Variants in FSIP2 observed in about 807,000 individuals in gnomAD.
FSIP2 encodes the protein fibrous sheath interacting protein 2, also known as fibrous sheath-interacting protein 2.
In FSIP2, 367 loss-of-function variants were observed where a neutral mutation model predicts 510.5. The observed-to-expected ratio is 0.72, with a 90% CI of 0.66 to 0.78. The LOEUF is 0.78. FSIP2 is among the 30% of genes least tolerant of loss of function. The pLI, the probability that FSIP2 is intolerant of heterozygous loss-of-function variation, is 0.00. For missense variants in FSIP2, 7,594 were observed against 7,901.7 expected, an observed-to-expected ratio of 0.96 and a Z score of 1.48; for synonymous variants, 2,601 against 2,732.2, an observed-to-expected ratio of 0.95 and a Z score of 1.50.
rs1045045659 is a variant in FSIP2, at chr2:185,794,493, C to A, written c.7357C>A (p.Gln2453Lys). 2 of 1,521,750 alleles carry A rather than the reference C, an allele frequency of 1.3e-6. No individual in the cohort carries two copies. Among genetic ancestry groups the A allele is most frequent in the Middle Eastern group, 1.7e-4 (1 of 5,892 alleles). The allele number at this position is 1,521,750 out of a possible 1,614,324, so 94.3% of individuals were successfully genotyped here. ...LFTKYPLEQN[Q>K]MILENKRQII... Reference sequence around the variant, plus strand: ...TACAAAGTATCCATTAGAGCAAAACCAAATGATATTGGAAAACAAAAGGCA... The same window carrying A: ...TACAAAGTATCCATTAGAGCAAAACAAAATGATATTGGAAAACAAAAGGCA... The change falls in exon 16 of 23, where the codon CAA (glutamine) becomes AAA (lysine). Residue 2453 changes from glutamine (Q) to lysine (K), a missense_variant. By Grantham distance (53) the Gln-to-Lys change is moderately conservative. Transcript: ENST00000424728.
chr2:185,808,471 G>C lies in FSIP2; in HGVS notation c.19165G>C (p.Val6389Leu), dbSNP rs147268441. Residue 6389 changes from valine to leucine, a missense_variant, in exon 17 of 23, where the codon GTA becomes CTA. Transcript: ENST00000424728. ...NKIASQLSKL[V>L]TAEISRSSIS... The stretch of plus-strand genomic sequence containing the variant: ...AATTGCATCTCAACTGTCAAAATTG[G>C]TAACAGCTGAAATTTCCAGAAGTAG... The C allele has an allele frequency of 7.0e-5, 112 of 1,606,828 alleles. No homozygotes were observed. The highest frequency in any genetic ancestry group is 9.1e-5 in the Non-Finnish European group (107 of 1,177,562).
chr2:185,797,162 C>T lies in FSIP2; in HGVS notation c.10026C>T (p.Gly3342=), dbSNP rs572274328. Residue 3342 remains glycine (G), a synonymous_variant, in exon 16 of 23, where the codon GGC becomes GGT. Coordinates refer to ENST00000424728, the MANE Select transcript of FSIP2 (RefSeq NM_173651.4). ...TCAATACTGTGCTATCCAGCTGTGG[C>T]TTTCCAAGTCAACCACACACTAATG... ...NIVNTVLSSC[G]FPSQPHTNEN... 48 of 1,534,746 alleles carry T rather than the reference C, an allele frequency of 3.1e-5. No individual in the cohort carries two copies. Among genetic ancestry groups the T allele is most frequent in the Non-Finnish European group, 4.2e-5 (48 of 1,146,184 alleles).
At chr2:185,827,751 A>T (rs1694038034) in intron 20 of FSIP2, among the ~76,000 whole-genome samples, 1 of 151,868 alleles carries the variant, frequency 6.6e-6, no homozygotes, top group Admixed American at 6.6e-5. Flanking sequence ...AGCTGCTTTT[A>T]AGTAGGCATG....
At position 185,801,112 on chromosome 2, in the gene FSIP2, G is replaced by C; in HGVS notation, c.11806G>C (p.Val3936Leu). The C allele has an allele frequency of 6.5e-7, 1 of 1,533,254 alleles. No homozygotes were observed. Among genetic ancestry groups the C allele is most frequent in the East Asian group, 2.5e-5 (1 of 40,816 alleles). 95.0% of individuals were successfully genotyped at this position (1,533,254 alleles called of 1,614,324 possible). ...AGCACCATTTAACAAGCATTGTGCA[G>C]TAAAATCCTCTTCTGTGTCACCTTT... ...IQAPFNKHCA[V>L]KSSSVSPFER... is the part of the protein sequence containing the mutation. The change falls in exon 17 of 23, where the codon GTA becomes CTA. Residue 3936 changes from valine to leucine, a missense_variant. By Grantham distance (32) the Val-to-Leu change is conservative (BLOSUM62 1). Transcript: ENST00000424728.
At position 185,802,402 on chromosome 2, in the gene FSIP2, A is replaced by T. The variant is rs1322543627; in HGVS notation, c.13096A>T (p.Asn4366Tyr). Residue 4366 changes from asparagine to tyrosine, a missense_variant, in exon 17 of 23, where the codon AAT becomes TAT. Asn to Tyr is a moderately radical substitution (Grantham distance 143). Transcript: ENST00000424728. ...DDKEQAFFSF[N>Y]TDIVDELATS... ...CAAAGAACAGGCTTTCTTTTCTTTC[A>T]ATACAGATATTGTGGATGAACTTGC... 2.0e-6 allele frequency: 3 copies of T among 1,533,476 alleles called. No homozygotes were observed. Among genetic ancestry groups the T allele is most frequent in the Non-Finnish European group, 2.6e-6 (3 of 1,145,342 alleles). 95.0% of individuals were successfully genotyped at this position (1,533,476 alleles called of 1,614,324 possible).
chr2:185,780,039 C>T (rs572504370), intron 13 of FSIP2, among the ~76,000 whole-genome samples: 1 of 149,508 alleles, frequency 6.7e-6, no homozygotes, highest in South Asian at 2.1e-4. Context: ...TGCCACTGCA[C>T]TCCAGCCTGG....
chr2:185,782,838 A>G (rs1259993831), intron 14 of FSIP2, 76 bp downstream of exon 14: 1 of 774,368 alleles, frequency 1.3e-6, no homozygotes, highest in Non-Finnish European at 2.2e-6. Context: ...TAAGCAAATG[A>G]TTCCATGGAA....
At position 185,805,560 on chromosome 2, in the gene FSIP2, G is replaced by C. The variant is rs1392278602; in HGVS notation, c.16254G>C (p.Arg5418Ser). The C allele has an allele frequency of 6.2e-7, 1 of 1,610,370 alleles. No homozygotes were observed. The highest frequency in any genetic ancestry group is 8.5e-7 in the Non-Finnish European group (1 of 1,178,152). Residue 5418 changes from arginine to serine, a missense_variant, in exon 17 of 23, where the codon AGG (arginine) becomes AGC (serine). Arg to Ser is a moderately radical substitution (Grantham distance 110). Coordinates refer to ENST00000424728, the MANE Select transcript of FSIP2 (RefSeq NM_173651.4). ...TAAATCCAGATAATATCACCCAAAG[G>C]GTTCAACACCTACCACAAAACACCT... The part of the protein sequence containing the change: ...SFLNPDNITQ[R>S]VQHLPQNTFT...
chr2:185,781,791 T>A (rs903282440), intron 13 of FSIP2, among the ~76,000 whole-genome samples: 2 of 152,208 alleles, frequency 1.3e-5, no homozygotes, highest in African/African-American at 4.8e-5. Flanking sequence ...GAAGAGATTT[T>A]TTGTATTAAA....
At chr2:185,743,358 T>C (rs1691962489) in intron 3 of FSIP2, 64 bp downstream of exon 3, 2 of 1,102,670 alleles carry the variant, frequency 1.8e-6, no homozygotes, top group East Asian at 5.7e-5. Flanking sequence ...ATAAACTTGT[T>C]TCTGTACCTC....
chr2:185,786,253 C>A lies in FSIP2; in HGVS notation c.1471C>A (p.Gln491Lys). Residue 491 changes from glutamine to lysine, a missense_variant and splice_region_variant, in exon 15 of 23, where the codon CAA (glutamine) becomes AAA (lysine). Transcript: ENST00000424728. ...TAAATGATCAACCTTTCTTTACAGG[C>A]AACAGAACTTGCTGCAAAATTGCTT... ...IFSSPVYTNM[Q>K]QNLLQNCLQE... The A allele has an allele frequency of 6.6e-7, 1 of 1,519,972 alleles. No individual in the cohort carries two copies. The highest frequency in any genetic ancestry group is 8.8e-7 in the Non-Finnish European group (1 of 1,135,700). 94.2% of individuals were successfully genotyped at this position (1,519,972 alleles called of 1,614,324 possible). A position where few individuals can be genotyped will look rare whatever the true frequency, so the allele number is the denominator to read the frequency against.
chr2:185,748,972 T>C (rs1209358488), intron 7 of FSIP2, among the ~76,000 whole-genome samples: 1 of 152,120 alleles, frequency 6.6e-6, no homozygotes, highest in Non-Finnish European at 1.5e-5. Flanking sequence ...GATTTTGCTC[T>C]TAATATCTTT....
Position 185,813,859 on chromosome 2 carries a change from A to G in FSIP2, c.20142A>G (p.Ser6714=). ...LSTSSLKKFL[S]LSKCCQTTAS... is the part of the protein sequence containing the mutation. ...CGAGCAGCCTGAAAAAATTTTTGTCACTAAGTAAATGTTGTCAGACCACAG... is the reference window on the plus strand; with the variant it reads ...CGAGCAGCCTGAAAAAATTTTTGTCGCTAAGTAAATGTTGTCAGACCACAG... Residue 6714 remains serine (S), a synonymous_variant, in exon 18 of 23, where the codon TCA becomes TCG. Transcript: ENST00000424728. 6 of 1,613,660 alleles carry G rather than the reference A, an allele frequency of 3.7e-6. No individual in the cohort carries two copies. Among genetic ancestry groups the G allele is most frequent in the Middle Eastern group, 1.6e-4 (1 of 6,062 alleles).
chr2:185,796,283 T>A lies in FSIP2; in HGVS notation c.9147T>A (p.Phe3049Leu). Residue 3049 changes from phenylalanine to leucine, a missense_variant, in exon 16 of 23, where the codon TTT becomes TTA. Transcript: ENST00000424728. Reference protein sequence around the residue: ...MLPKLQPLKMFSDKSESNTIN... With the variant: ...MLPKLQPLKMLSDKSESNTIN... ...CAAAATTACAACCACTGAAAATGTTTTCTGATAAATCCGAGTCAAATACTA... is the reference window on the plus strand; with the variant it reads ...CAAAATTACAACCACTGAAAATGTTATCTGATAAATCCGAGTCAAATACTA... The A allele has an allele frequency of 6.5e-7, 1 of 1,533,530 alleles. No individual in the cohort carries two copies. Among genetic ancestry groups the A allele is most frequent in the Non-Finnish European group, 8.7e-7 (1 of 1,145,592 alleles). The allele number at this position is 1,533,530 out of a possible 1,614,324, so 95.0% of individuals were successfully genotyped here. A position where few individuals can be genotyped will look rare whatever the true frequency, so the allele number is the denominator to read the frequency against.
intron 21 of FSIP2, among the ~76,000 whole-genome samples, chr2:185,828,402 T>A (rs1411995372): frequency 6.6e-6 from 1 of 151,804 alleles, no homozygotes; most frequent in Non-Finnish European, 1.5e-5. Flanking sequence ...ACAAAATCCT[T>A]TGGGTTAAGT....
chr2:185,768,432 T>C (rs1437061796), intron 13 of FSIP2, among the ~76,000 whole-genome samples: 1 of 152,106 alleles, frequency 6.6e-6, no homozygotes, highest in Non-Finnish European at 1.5e-5. Context: ...TTTGTTATTT[T>C]TTGTATATGA....
intron 19 of FSIP2, among the ~76,000 whole-genome samples, chr2:185,819,778 A>G (rs1693882284): frequency 6.6e-6 from 1 of 151,842 alleles, no homozygotes; most frequent in African/African-American, 2.4e-5. Flanking sequence ...AGCACATTTA[A>G]GGTAGGCTAG....
chr2:185,767,258 T>C (rs1692507068), intron 13 of FSIP2, among the ~76,000 whole-genome samples: 1 of 150,476 alleles, frequency 6.6e-6, no homozygotes. Flanking sequence ...GCATGGCACA[T>C]GTATACATAT....
Position 185,803,023 on chromosome 2 carries a change from A to G in FSIP2, c.13717A>G (p.Ile4573Val), listed in dbSNP as rs544898504. 21 of 1,526,476 alleles carry G rather than the reference A, an allele frequency of 1.4e-5. No homozygotes were observed. Among genetic ancestry groups the G allele is most frequent in the South Asian group, 7.3e-5 (6 of 82,250 alleles). 94.6% of individuals were successfully genotyped at this position (1,526,476 alleles called of 1,614,324 possible). The change falls in exon 17 of 23, where the codon ATA becomes GTA. Residue 4573 changes from isoleucine to valine, a missense_variant. Physicochemically the swap from Ile to Val is conservative, Grantham distance 29. Transcript: ENST00000424728. The stretch of plus-strand genomic sequence containing the variant: ...TATCACAAGCAGTAATGACATTCTT[A>G]TAGATAGAATAGCAGGTTTCATCAT... The part of the protein sequence containing the change: ...QNITSSNDIL[I>V]DRIAGFIIKH...
Sources: allele counts gnomAD v4.1 joint callset (sites outside exome capture counted in the v4.1 genomes callset), GRCh38; gene constraint gnomAD v4.1.1; transcripts MANE v1.5; gene names NCBI Gene and HGNC (gene_info 2026-07-23, HGNC 2026-07-21).